Variants in SLAIN2 observed in about 807,000 individuals in gnomAD.
SLAIN2 encodes SLAIN motif-containing protein 2.
Under a neutral mutation model 56.6 loss-of-function variants are expected in SLAIN2, and 31 were observed. The ratio of observed to expected loss-of-function variants is 0.55; its 90% CI spans 0.41 to 0.74. SLAIN2 has a LOEUF of 0.74. Ranked by LOEUF, SLAIN2 falls within the 30% of genes least tolerant of loss-of-function variation. The pLI is 0.00. For synonymous variants in SLAIN2, 317 were observed against 284.9 expected, an observed-to-expected ratio of 1.11 and a Z score of -1.13; for missense variants, 777 against 754.2, an observed-to-expected ratio of 1.03 and a Z score of -0.35.
rs36096623 is a variant in SLAIN2 at position 48,368,051 on chromosome 4, C to CTTTTTTTTTTTTTTTTTTTTTT, written c.390-1785_390-1784insTTTTTTTTTTTTTTTTTTTTTT. On this transcript the variant is annotated intron_variant, in intron 1 of 7. Transcript: ENST00000264313. ...TTCACTGAACGTAGTGTTTTTGAGG[C>CTTTTTTTTTTTTTTTTTTTTTT]TTTTTTTTTTTTTGACAGTGTTGCT... Among the ~76,000 whole-genome samples the CTTTTTTTTTTTTTTTTTTTTTT allele has an allele frequency of 2.2e-3, 196 of 88,792 alleles. 33 individuals carry two copies. The highest frequency in any genetic ancestry group is 4.4e-3 in the East Asian group (11 of 2,486). 58.3% of individuals were successfully genotyped at this position (88,792 alleles called of 152,430 possible).
chr4:48,393,616 C>G (rs984263064), intron 6 of SLAIN2, among the ~76,000 whole-genome samples: 3 of 152,090 alleles, frequency 2.0e-5, no homozygotes, highest in African/African-American at 7.2e-5. Context: ...ATTTATGCAG[C>G]CTAGCTAGGT....
intron 6 of SLAIN2, among the ~76,000 whole-genome samples, chr4:48,385,886 G>T (rs1160776511): frequency 6.6e-6 from 1 of 151,588 alleles, no homozygotes; most frequent in East Asian, 1.9e-4. Context: ...AAATCAACAG[G>T]CTAGCAGGAG....
intron 1 of SLAIN2, among the ~76,000 whole-genome samples, chr4:48,367,726 C>T (rs1029683223): frequency 1.2e-4 from 18 of 152,028 alleles, no homozygotes; most frequent in Admixed American, 3.9e-4. Context: ...TGCCAAAGCA[C>T]TTTGCAACTT....
At position 48,382,653 on chromosome 4, in the gene SLAIN2, T is replaced by C; in HGVS notation, c.948T>C (p.Asp316=). ...CNSTRRGTFS[D]QELDAQSLDD... The stretch of plus-strand genomic sequence containing the variant: ...CTACAAGACGGGGTACTTTTAGTGA[T>C]CAGGAACTTGATGCACAAAGTTTAG... The change falls in exon 5 of 8, where the codon GAT becomes GAC. Residue 316 remains aspartate (D), a synonymous_variant. Coordinates refer to ENST00000264313, the MANE Select transcript of SLAIN2 (RefSeq NM_020846.2). 1 of 1,613,918 alleles carries C rather than the reference T, an allele frequency of 6.2e-7. No homozygotes were observed. Among genetic ancestry groups the C allele is most frequent in the East Asian group, 2.2e-5 (1 of 44,878 alleles).
At chr4:48,346,314 G>C (rs550119610) in intron 1 of SLAIN2, among the ~76,000 whole-genome samples, 15 of 152,042 alleles carry the variant, frequency 9.9e-5, no homozygotes, top group Non-Finnish European at 2.2e-4. Context: ...CATGATCTTA[G>C]TGATAAAATT....
chr4:48,389,973 A>G (rs1404226261), intron 6 of SLAIN2, among the ~76,000 whole-genome samples: 1 of 152,206 alleles, frequency 6.6e-6, no homozygotes, highest in Non-Finnish European at 1.5e-5. Context: ...ACTAGAAACC[A>G]CTTAGGCTAT....
In SLAIN2 at chr4:48,367,261, C is replaced by T. The variant is rs531360056; in HGVS notation, c.390-2588C>T. Among the ~76,000 whole-genome samples the T allele has an allele frequency of 6.6e-5, 10 of 152,318 alleles. No individual in the cohort carries two copies. In the South Asian group the frequency reaches 2.1e-3, roughly 32 times the overall value. On this transcript the variant is annotated intron_variant, in intron 1 of 7. Transcript: ENST00000264313. ...TTTGTGCCAATATCATACGGGCCAA[C>T]GCCCTTTGTTTCTAGACTTCAGGTA...
chr4:48,421,813 G>C (rs1337631291), intron 7 of SLAIN2, among the ~76,000 whole-genome samples, 198 bp from the exon 8 acceptor site: 2 of 151,552 alleles, frequency 1.3e-5, no homozygotes, highest in Non-Finnish European at 2.9e-5. Flanking sequence ...GTCATCTGGT[G>C]CCCAGTAAAA....
intron 1 of SLAIN2, among the ~76,000 whole-genome samples, chr4:48,356,395 CTA>C (rs1469207442): frequency 6.6e-6 from 1 of 151,606 alleles, no homozygotes. Flanking sequence ...AAGATCTGTA[CTA>C]GTAGCTGAAA....
chr4:48,369,554 A>G (rs1715612323), intron 1 of SLAIN2, among the ~76,000 whole-genome samples: 1 of 152,210 alleles, frequency 6.6e-6, no homozygotes, highest in South Asian at 2.1e-4. Context: ...GAGTTAGTCA[A>G]GTAGTGTTGA....
Position 48,379,766 on chromosome 4 carries a change from A to T in SLAIN2, c.780A>T (p.Glu260Asp). The T allele has an allele frequency of 1.3e-6, 2 of 1,598,140 alleles. No individual in the cohort carries two copies. Among genetic ancestry groups the T allele is most frequent in the Non-Finnish European group, 1.7e-6 (2 of 1,173,088 alleles). Residue 260 changes from glutamate (E) to aspartate (D), a missense_variant, in exon 4 of 8, where the codon GAA becomes GAT. By Grantham distance (45) the Glu-to-Asp change is conservative. Coordinates refer to ENST00000264313, the MANE Select transcript of SLAIN2 (RefSeq NM_020846.2). Reference protein sequence around the residue: ...SSIDSELSASELDEDSIGSNY... With the variant: ...SSIDSELSASDLDEDSIGSNY... ...TAGATAGTGAGTTAAGTGCTTCAGA[A>T]TTAGATGAAGATTCAATTGGATCCA...
rs770473477 is a variant in SLAIN2, at chr4:48,420,460, C to G, written c.1679+17C>G. ...TGTTCGCAGGTAAGTGGCAGATGTT[C>G]TGTTTCAGCATTCTTGAGTGCCTGA... On this transcript the variant is annotated intron_variant, in intron 7 of 7. Coordinates refer to ENST00000264313, the MANE Select transcript of SLAIN2 (RefSeq NM_020846.2). 6.2e-7 allele frequency: 1 copy of G among 1,611,662 alleles called. No individual in the cohort carries two copies. The highest frequency in any genetic ancestry group is 1.1e-5 in the South Asian group (1 of 90,964).
chr4:48,402,529 C>T (rs188843278), intron 6 of SLAIN2, among the ~76,000 whole-genome samples: 4 of 152,102 alleles, frequency 2.6e-5, no homozygotes, highest in Non-Finnish European at 5.9e-5. Flanking sequence ...GAGATTCTTT[C>T]CTCCACTTGG....
intron 5 of SLAIN2, among the ~76,000 whole-genome samples, 159 bp from the exon 6 acceptor site, chr4:48,383,488 G>T (rs774671301): frequency 6.6e-6 from 1 of 151,684 alleles, no homozygotes; most frequent in Non-Finnish European, 1.5e-5. Flanking sequence ...ATCCTAGATC[G>T]AGTTGTTTGT....
intron 6 of SLAIN2, among the ~76,000 whole-genome samples, chr4:48,395,118 T>C (rs1716344072): frequency 6.6e-6 from 1 of 152,268 alleles, no homozygotes; most frequent in Non-Finnish European, 1.5e-5. Context: ...GGAATGTTTA[T>C]GGAGTGGTAG....
At chr4:48,375,195 TGGAGGAGGA>T (rs1715777041) in intron 2 of SLAIN2, among the ~76,000 whole-genome samples, 2 of 152,232 alleles carry the variant, frequency 1.3e-5, no homozygotes, top group Admixed American at 1.3e-4. Context: ...CCAGAGGAGA[TGGAGGAGGA>T]GGAAAAAGGT....
intron 6 of SLAIN2, among the ~76,000 whole-genome samples, chr4:48,412,585 G>A (rs1716891933): frequency 6.6e-6 from 1 of 152,182 alleles, no homozygotes. Flanking sequence ...TTTCTATTTA[G>A]AGTAAATTGG....
At chr4:48,364,016 G>A (rs1166965285) in intron 1 of SLAIN2, among the ~76,000 whole-genome samples, 4 of 105,350 alleles carry the variant, frequency 3.8e-5, no homozygotes, top group African/African-American at 1.3e-4. Flanking sequence ...GCTGCTGGGC[G>A]GAGACGCTCC....
chr4:48,377,809 T>G, intron 2 of SLAIN2, 87 bp from the exon 3 acceptor site: 1 of 1,223,238 alleles, frequency 8.2e-7, no homozygotes, highest in Non-Finnish European at 1.2e-6. Context: ...AGATAATGAT[T>G]TAGTTTTCTA....
Sources: allele counts gnomAD v4.1 joint callset (sites outside exome capture counted in the v4.1 genomes callset), GRCh38; gene constraint gnomAD v4.1.1; transcripts MANE v1.5; gene names NCBI Gene and HGNC (gene_info 2026-07-23, HGNC 2026-07-21).